SNTB2: variants seen among roughly 807,000 people sequenced by gnomAD.
SNTB2 encodes syntrophin beta 2, also known as beta-2-syntrophin.
A neutral mutation model predicts 46.2 loss-of-function variants in SNTB2; 34 were observed. The ratio of observed to expected loss-of-function variants is 0.74; its 90% confidence interval spans 0.56 to 0.98. SNTB2 has a LOEUF of 0.98. Ranked by LOEUF, SNTB2 falls within the 50% of genes least tolerant of loss-of-function variation. The pLI, the probability that SNTB2 is intolerant of heterozygous loss-of-function variation, is 0.00. For synonymous variants in SNTB2, 290 were observed against 312.6 expected, an observed-to-expected ratio of 0.93 and a Z score of 0.76; for missense variants, 603 against 731.4, an observed-to-expected ratio of 0.82 and a Z score of 2.02.
chr16:69,244,590 G>C (rs1200807693), intron 1 of SNTB2, among the ~76,000 whole-genome samples: 2 of 152,128 alleles, frequency 1.3e-5, no homozygotes, highest in Non-Finnish European at 2.9e-5. Flanking sequence ...CATGACTGAA[G>C]TAAAACAAGT....
intron 1 of SNTB2, among the ~76,000 whole-genome samples, chr16:69,211,167 T>C (rs988193686): frequency 1.6e-4 from 24 of 151,942 alleles, no homozygotes; most frequent in African/African-American, 5.3e-4. Flanking sequence ...CCCCAATAAA[T>C]ATAAAATTGT....
In SNTB2 at chr16:69,232,502, CTTTTTTTTTTTTTTTT is replaced by C. The variant is rs1032986410; in HGVS notation, c.581-13088_581-13073del. 3.1e-5 allele frequency among the ~76,000 whole-genome samples: 2 copies of C among 63,860 alleles called. 1 individual carries two copies. The highest frequency in any genetic ancestry group is 6.0e-5 in the Non-Finnish European group (2 of 33,458). The allele number at this position is 63,860 out of a possible 152,430, so 41.9% of individuals were successfully genotyped here. On this transcript the variant is annotated intron_variant, in intron 1 of 6. Coordinates refer to ENST00000336278, the MANE Select transcript of SNTB2 (RefSeq NM_006750.4). ...TTACAGGTGTGAGCCACGGTGCGGC[CTTTTTTTTTTTTTTTT>C]TTTTTTTTTTTGGAGACGGAGTCTC...
intron 3 of SNTB2, among the ~76,000 whole-genome samples, chr16:69,265,598 G>T (rs184664113): frequency 2.6e-5 from 4 of 152,156 alleles, no homozygotes; most frequent in Non-Finnish European, 5.9e-5. Flanking sequence ...GGAGGCCAAG[G>T]CAGGCGTATC....
chr16:69,264,681 G>A (rs141742945), intron 3 of SNTB2, among the ~76,000 whole-genome samples: 1,664 of 152,112 alleles, frequency 0.011, 12 homozygotes, highest in Non-Finnish European at 0.019. Flanking sequence ...CTTGAAGTAC[G>A]TGAACCTCCA....
rs1406593607 is a variant in SNTB2 at position 69,248,897 on chromosome 16, G to A, written c.794+3082G>A. Among the ~76,000 whole-genome samples the A allele has an allele frequency of 2.0e-5, 3 of 150,058 alleles. No homozygotes were observed. The East Asian group carries it at 5.8e-4, about 29-fold the overall frequency. On this transcript the variant is annotated intron_variant, in intron 2 of 6. Coordinates refer to ENST00000336278, the MANE Select transcript of SNTB2 (RefSeq NM_006750.4). ...TTTTTTTTTTTTTTTTAAAGTTAGGGGCCTTAGAGAATTAAATAGAATGGA... is the reference window on the plus strand; with the variant it reads ...TTTTTTTTTTTTTTTTAAAGTTAGGAGCCTTAGAGAATTAAATAGAATGGA...
At chr16:69,216,477 G>A (rs1200164251) in intron 1 of SNTB2, among the ~76,000 whole-genome samples, 1 of 151,526 alleles carries the variant, frequency 6.6e-6, no homozygotes, top group Non-Finnish European at 1.5e-5. Flanking sequence ...GAGATCAGGA[G>A]TTCAAGACCA....
At chr16:69,257,865 T>A (rs1433204089) in intron 2 of SNTB2, among the ~76,000 whole-genome samples, 2 of 152,246 alleles carry the variant, frequency 1.3e-5, no homozygotes, top group African/African-American at 4.8e-5. Flanking sequence ...AGTAGCTAGA[T>A]GATCTACTTT....
intron 3 of SNTB2, among the ~76,000 whole-genome samples, chr16:69,262,750 C>T (rs1445143076): frequency 6.6e-6 from 1 of 151,950 alleles, no homozygotes; most frequent in African/African-American, 2.4e-5. Context: ...GATCTCAGCT[C>T]ACTGCAACCT....
At chr16:69,208,697 T>C (rs991820256) in intron 1 of SNTB2, among the ~76,000 whole-genome samples, 27 of 151,614 alleles carry the variant, frequency 1.8e-4, no homozygotes, top group South Asian at 4.2e-4. Context: ...CTTATTTTAC[T>C]AGGTAAAAAA....
chr16:69,264,425 A>G (rs773511785), intron 3 of SNTB2, among the ~76,000 whole-genome samples: 1 of 152,224 alleles, frequency 6.6e-6, no homozygotes, highest in African/African-American at 2.4e-5. Flanking sequence ...GGTTACTATA[A>G]TGAAATATAA....
chr16:69,281,261 C>T (rs1257993551), intron 4 of SNTB2, among the ~76,000 whole-genome samples: 8 of 149,008 alleles, frequency 5.4e-5, no homozygotes, highest in Non-Finnish European at 1.0e-4. Context: ...GACGAAGTCT[C>T]GCTCTTGTCC....
In SNTB2 at chr16:69,187,557, A is replaced by G; in HGVS notation, c.391A>G (p.Lys131Glu). 1 of 1,494,802 alleles carries G rather than the reference A, an allele frequency of 6.7e-7. No individual in the cohort carries two copies. Among genetic ancestry groups the G allele is most frequent in the Non-Finnish European group, 8.9e-7 (1 of 1,123,488 alleles). The allele number at this position is 1,494,802 out of a possible 1,614,324, so 92.6% of individuals were successfully genotyped here. ...GGCGGGCGGCCTGGGCATCAGCATC[A>G]AGGGCGGCCGCGAGAACCGGATGCC... ...QEAGGLGISI[K>E]GGRENRMPIL... The change falls in exon 1 of 7, where the codon AAG becomes GAG. Residue 131 changes from lysine (K) to glutamate (E), a missense_variant. By Grantham distance (56) the Lys-to-Glu change is moderately conservative. Around this residue, in one of 2 missense-constraint regions of SNTB2, gnomAD observed 537 missense variants for 692.4 expected, o/e 0.78. Transcript: ENST00000336278.
At chr16:69,227,048 T>A (rs1336462496) in intron 1 of SNTB2, among the ~76,000 whole-genome samples, 1 of 152,184 alleles carries the variant, frequency 6.6e-6, no homozygotes, top group African/African-American at 2.4e-5. Flanking sequence ...TCCCAAATAT[T>A]CACAAGCACA....
chr16:69,294,245 TG>T (rs1265989166), intron 5 of SNTB2, among the ~76,000 whole-genome samples: 1 of 152,158 alleles, frequency 6.6e-6, no homozygotes. Context: ...CTCAAACTTG[TG>T]GCCTCAAGCA....
chr16:69,245,888 C>T, intron 2 of SNTB2, 73 bp downstream of exon 2: 1 of 1,425,354 alleles, frequency 7.0e-7, no homozygotes, highest in Non-Finnish European at 9.8e-7. Flanking sequence ...TATTATATGA[C>T]TCTGTTAACT....
At chr16:69,225,088 T>A (rs1343904312) in intron 1 of SNTB2, among the ~76,000 whole-genome samples, 1 of 152,216 alleles carries the variant, frequency 6.6e-6, no homozygotes, top group African/African-American at 2.4e-5. Context: ...TTCTGCCTAT[T>A]TGGTCTGAAA....
At chr16:69,243,807 A>C (rs867827005) in intron 1 of SNTB2, among the ~76,000 whole-genome samples, 4 of 152,322 alleles carry the variant, frequency 2.6e-5, no homozygotes, top group South Asian at 2.1e-4. Flanking sequence ...TGAGGCAGCT[A>C]CCCAGAAGCA....
intron 4 of SNTB2, among the ~76,000 whole-genome samples, chr16:69,278,609 C>T (rs1845720169): frequency 6.6e-6 from 1 of 152,132 alleles, no homozygotes; most frequent in African/African-American, 2.4e-5. Flanking sequence ...GTGTGCACCA[C>T]CATGCCCGGC....
intron 5 of SNTB2, among the ~76,000 whole-genome samples, chr16:69,292,542 A>G (rs1333925129): frequency 2.1e-5 from 3 of 144,970 alleles, no homozygotes; most frequent in Non-Finnish European, 4.5e-5. Context: ...CCCGGGTTCA[A>G]GCAATTCTCC....
Sources: gnomAD v4.1 joint callset for allele counts (sites outside exome capture counted in the v4.1 genomes callset) on GRCh38, gnomAD v4.1.1 for gene constraint, gnomAD v4.1.1 regional missense constraint, MANE v1.5 for transcripts, NCBI Gene and HGNC (gene_info 2026-07-23, HGNC 2026-07-21) for gene names.